RAG2: variants seen among roughly 807,000 people sequenced by gnomAD.
The protein encoded by RAG2 is V(D)J recombination-activating protein 2.
Under a neutral mutation model 31.8 loss-of-function variants are expected in RAG2, and 16 were observed. The ratio of observed to expected loss-of-function variants is 0.50; its 90% CI spans 0.34 to 0.76. The LOEUF (loss-of-function observed/expected upper bound fraction) is 0.76. RAG2 is among the 30% of genes least tolerant of loss of function. The probability of loss-of-function intolerance (pLI) is 0.01; values close to 1 mark genes in which losing one functional copy is unlikely to be tolerated. For synonymous variants in RAG2, 199 were observed against 215.9 expected (o/e 0.92, Z 0.68); for missense variants, 622 against 628.5 (o/e 0.99, Z 0.11).
rs907585052 is a variant in RAG2, at chr11:36,592,164, G to T, written c.*421C>A. ...TGGCCAACTGCCGAATTGTTATGTTGCACAAAATAATCAATTTAATTCTTT... is the reference window on the plus strand; with the variant it reads ...TGGCCAACTGCCGAATTGTTATGTTTCACAAAATAATCAATTTAATTCTTT... On this transcript the variant is annotated 3_prime_UTR_variant, in exon 2 of 2. Coordinates refer to ENST00000311485, the MANE Select transcript of RAG2 (RefSeq NM_000536.4). 3 of 214,892 alleles carry T rather than the reference G, an allele frequency of 1.4e-5. No individual in the cohort carries two copies. Among genetic ancestry groups the T allele is most frequent in the Non-Finnish European group, 2.8e-5 (3 of 107,236 alleles). 13.3% of individuals were successfully genotyped at this position (214,892 alleles called of 1,614,324 possible).
Position 36,592,831 on chromosome 11 carries a change from G to C in RAG2, c.1338C>G (p.Cys446Trp), listed in dbSNP as rs1564995660. The C allele has an allele frequency of 6.2e-7, 1 of 1,613,934 alleles. No homozygotes were observed. Among genetic ancestry groups the C allele is most frequent in the African/African-American group, 1.3e-5 (1 of 74,870 alleles). Residue 446 changes from cysteine (C) to tryptophan (W), a missense_variant, in exon 2 of 2, where the codon TGC (cysteine) becomes TGG (tryptophan). Coordinates refer to ENST00000311485, the MANE Select transcript of RAG2 (RefSeq NM_000536.4). Reference sequence around the variant, plus strand: ...GGACCCAGTGCCCATCCCCATGAGAGCAGTAGATCATGGCGGGTTTGTTGA... The same window carrying C: ...GGACCCAGTGCCCATCCCCATGAGACCAGTAGATCATGGCGGGTTTGTTGA... The part of the protein sequence containing the change: ...TELNKPAMIY[C>W]SHGDGHWVHA...
chr11:36,594,460 C>T (rs1675431298), intron 1 of RAG2: 4 of 437,610 alleles, frequency 9.1e-6, no homozygotes, highest in Non-Finnish European at 1.6e-5. Flanking sequence ...TAAAGAGTCA[C>T]CATGCGTCAG....
intron 1 of RAG2, chr11:36,595,322 C>T (rs1652094821): frequency 6.6e-6 from 1 of 152,122 alleles, no homozygotes; most frequent in Admixed American, 6.5e-5. Flanking sequence ...TTCAGAATTT[C>T]ATACTTGTGT....
At chr11:36,596,186 C>T (rs867293336) in intron 1 of RAG2, among the ~76,000 whole-genome samples, 17 of 143,922 alleles carry the variant, frequency 1.2e-4, no homozygotes, top group Middle Eastern at 3.8e-3. Flanking sequence ...TTTAGAATCT[C>T]TGGTCACTCT....
At chr11:36,596,478 G>A (rs868446237) in intron 1 of RAG2, among the ~76,000 whole-genome samples, 14 of 152,220 alleles carry the variant, frequency 9.2e-5, no homozygotes, top group Non-Finnish European at 7.4e-5. Context: ...AATCTAGGCA[G>A]TGTTTTATTT....
At position 36,592,686 on chromosome 11, in the gene RAG2, G is replaced by A. The variant is rs772985232; in HGVS notation, c.1483C>T (p.Leu495=). The A allele has an allele frequency of 7.4e-6, 12 of 1,613,942 alleles. No homozygotes were observed. The highest frequency in any genetic ancestry group is 9.3e-6 in the Non-Finnish European group (11 of 1,179,988). The change falls in exon 2 of 2, where the codon CTA becomes TTA. Residue 495 remains leucine, a synonymous_variant. Coordinates refer to ENST00000311485, the MANE Select transcript of RAG2 (RefSeq NM_000536.4). ...ARALHTPQRV[L]PLKKPPMKSL... ...TTCATTGGAGGCTTTTTTAAGGGTA[G>A]GACTCTTTGGGGAGTGTGTAGAGCT... is the stretch of plus-strand genomic sequence containing the variant.
Position 36,592,951 on chromosome 11 carries a change from A to C in RAG2, c.1218T>G (p.Asp406Glu). The change falls in exon 2 of 2, where the codon GAT becomes GAG. Residue 406 changes from aspartate (D) to glutamate (E), a missense_variant. Coordinates refer to ENST00000311485, the MANE Select transcript of RAG2 (RefSeq NM_000536.4). ...DDEFDTYNED[D>E]EEDESETGYW... ...AGCCTGTCTCAGACTCATCTTCTTC[A>C]TCATCTTCATTATAGGTGTCAAATT... 6.2e-7 allele frequency: 1 copy of C among 1,614,130 alleles called. No individual in the cohort carries two copies. The highest frequency in any genetic ancestry group is 8.5e-7 in the Non-Finnish European group (1 of 1,180,022).
At chr11:36,596,222 G>GGT (rs1554947874) in intron 1 of RAG2, among the ~76,000 whole-genome samples, 4 of 118,368 alleles carry the variant, frequency 3.4e-5, no homozygotes, top group African/African-American at 9.3e-5. Flanking sequence ...TTTTTTTTTT[G>GGT]TTTTTTTTTT....
chr11:36,597,097 A>G (rs913764411), intron 1 of RAG2, among the ~76,000 whole-genome samples: 3 of 152,212 alleles, frequency 2.0e-5, no homozygotes, highest in Non-Finnish European at 4.4e-5. Context: ...AGTGTGAGTA[A>G]TTAATTTTTA....
At chr11:36,595,424 T>A (rs1437674257) in intron 1 of RAG2, among the ~76,000 whole-genome samples, 1 of 152,256 alleles carries the variant, frequency 6.6e-6, no homozygotes, top group African/African-American at 2.4e-5. Context: ...ATACACTCCG[T>A]GTTTGCAGTG....
chr11:36,593,822 T>C lies in RAG2; in HGVS notation c.347A>G (p.Asn116Ser). ...KIYVMSIVCK[N>S]NKKVTFRCTE... ...GCAGCGAAAAGTAACCTTTTTGTTG[T>C]TCTTGCAAACAATAGACATGACATA... Residue 116 changes from asparagine (N) to serine (S), a missense_variant, in exon 2 of 2, where the codon AAC becomes AGC. By Grantham distance (46) the Asn-to-Ser change is conservative (BLOSUM62 1). Transcript: ENST00000311485. The C allele has an allele frequency of 6.2e-7, 1 of 1,614,236 alleles. No individual in the cohort carries two copies. Among genetic ancestry groups the C allele is most frequent in the East Asian group, 2.2e-5 (1 of 44,896 alleles).
chr11:36,592,515 A>T lies in RAG2; in HGVS notation c.*70T>A. ...TAAATAAACAAAAATGTATTTTTAAAATCAATGTTATGATTTTAAAAATAG... is the reference window on the plus strand; with the variant it reads ...TAAATAAACAAAAATGTATTTTTAATATCAATGTTATGATTTTAAAAATAG... On this transcript the variant is annotated 3_prime_UTR_variant, in exon 2 of 2. Coordinates refer to ENST00000311485, the MANE Select transcript of RAG2 (RefSeq NM_000536.4). 1.3e-6 allele frequency: 2 copies of T among 1,550,644 alleles called. No homozygotes were observed. Among genetic ancestry groups the T allele is most frequent in the Non-Finnish European group, 1.7e-6 (2 of 1,144,256 alleles).
chr11:36,592,291 T>C lies in RAG2; in HGVS notation c.*294A>G. ...AATATAAACATACCTCGATGATTAT[T>C]ACTGCTTCTGGGTGTTTAAGGTTTG... On this transcript the variant is annotated 3_prime_UTR_variant, in exon 2 of 2. Transcript: ENST00000311485. The C allele has an allele frequency of 2.6e-6, 1 of 389,272 alleles. No homozygotes were observed. The highest frequency in any genetic ancestry group is 4.3e-5 in the Admixed American group (1 of 23,454). The allele number at this position is 389,272 out of a possible 1,614,324, so 24.1% of individuals were successfully genotyped here. A position where few individuals can be genotyped will look rare whatever the true frequency, so the allele number is the denominator to read the frequency against.
chr11:36,594,527 A>G (rs139508378), intron 1 of RAG2: 1 of 292,060 alleles, frequency 3.4e-6, no homozygotes, highest in South Asian at 4.4e-5. Flanking sequence ...AGCTTTGGAA[A>G]TCTGTCTTTG....
chr11:36,596,289 TGTA>T (rs1404726437), intron 1 of RAG2, among the ~76,000 whole-genome samples: 7 of 151,058 alleles, frequency 4.6e-5, no homozygotes, highest in Non-Finnish European at 8.8e-5. Flanking sequence ...AATAATCTCT[TGTA>T]GTTATTATTT....
Position 36,593,779 on chromosome 11 carries a change from TACCAA to T in RAG2, c.385_389del (p.Leu129ArgfsTer5), listed in dbSNP as rs1164927451. On this transcript the variant is annotated frameshift_variant, in exon 2 of 2. Transcript: ENST00000311485. LOFTEE classifies it high-confidence loss of function. The stretch of plus-strand genomic sequence containing the variant: ...CATATCTGGCTTCAGGAACATCTCC[TACCAA>T]GTCTTTCTCTGTGCAGCGAAAAGTA... 6.2e-6 allele frequency: 10 copies of T among 1,614,046 alleles called. No homozygotes were observed. The highest frequency in any genetic ancestry group is 7.6e-6 in the Non-Finnish European group (9 of 1,179,866).
rs1851074610 is a variant in RAG2, at chr11:36,593,341, G to A, written c.828C>T (p.Gly276=). 3.7e-6 allele frequency: 6 copies of A among 1,614,076 alleles called. No individual in the cohort carries two copies. The East Asian group carries it at 1.1e-4, about 30-fold the overall frequency. ...TNNDEFVIVG[G]YQLENQKRMI... is the part of the protein sequence containing the mutation. The stretch of plus-strand genomic sequence containing the variant: ...TTCTTTTTTGATTTTCAAGCTGATA[G>A]CCACCAACAATAACAAATTCATCAT... Residue 276 remains glycine (G), a synonymous_variant, in exon 2 of 2, where the codon GGC becomes GGT. Coordinates refer to ENST00000311485, the MANE Select transcript of RAG2 (RefSeq NM_000536.4).
chr11:36,596,723 C>T (rs1590723137), intron 1 of RAG2, among the ~76,000 whole-genome samples: 1 of 152,198 alleles, frequency 6.6e-6, no homozygotes, highest in Non-Finnish European at 1.5e-5. Flanking sequence ...AGATACAAGG[C>T]AAGCCATACA....
chr11:36,592,975 TTCA>T lies in RAG2; in HGVS notation c.1191_1193del (p.Asp397del), dbSNP rs567942993. 2.7e-5 allele frequency: 43 copies of T among 1,614,152 alleles called. No individual in the cohort carries two copies. The African/African-American group carries it at 4.9e-4, about 19-fold the overall frequency. The stretch of plus-strand genomic sequence containing the variant: ...CATCATCTTCATTATAGGTGTCAAA[TTCA>T]TCATCACCATCAAAACTATTTGCTT... On this transcript the variant is annotated inframe_deletion, in exon 2 of 2. Coordinates refer to ENST00000311485, the MANE Select transcript of RAG2 (RefSeq NM_000536.4).
Sources: gnomAD v4.1 joint callset for allele counts (sites outside exome capture counted in the v4.1 genomes callset) on GRCh38, gnomAD v4.1.1 for gene constraint, MANE v1.5 for transcripts, NCBI Gene and HGNC (gene_info 2026-07-23, HGNC 2026-07-21) for gene names.